TTC21B: variants seen among roughly 807,000 people sequenced by gnomAD.
The protein encoded by TTC21B is tetratricopeptide repeat domain 21B, also known as tetratricopeptide repeat protein 21B.
In TTC21B, 127 loss-of-function variants were observed where a neutral mutation model predicts 175.1. The observed-to-expected ratio is 0.73, with a 90% CI of 0.63 to 0.84. The LOEUF (loss-of-function observed/expected upper bound fraction) is 0.84, where lower values mean the gene tolerates loss of function less well. TTC21B is among the 40% of genes least tolerant of loss of function. The pLI is 0.00. For missense variants in TTC21B, 1,561 were observed against 1,558.3 expected (o/e 1.00, Z -0.03); for synonymous variants, 524 against 524.5 (o/e 1.00, Z 0.01).
chr2:165,941,271 T>C (rs767828001), intron 5 of TTC21B, 87 bp from the exon 6 acceptor site: 105 of 1,450,770 alleles, frequency 7.2e-5, no homozygotes, highest in Middle Eastern at 1.7e-4. Flanking sequence ...GTATGAGCGT[T>C]TAATACTTAC....
chr2:165,897,778 T>C (rs1010387682), intron 22 of TTC21B, among the ~76,000 whole-genome samples: 7 of 151,944 alleles, frequency 4.6e-5, no homozygotes, highest in Non-Finnish European at 7.4e-5. Context: ...AGAAGAGAAC[T>C]CCAAAAAAGG....
intron 1 of TTC21B, 126 bp from the exon 2 acceptor site, chr2:165,949,850 G>T: frequency 2.2e-6 from 2 of 926,730 alleles, no homozygotes; most frequent in Non-Finnish European, 3.3e-6. Context: ...TTTCTTCCAA[G>T]TTTCTTAAAA....
chr2:165,929,267 C>G lies in TTC21B; in HGVS notation c.1254G>C (p.Leu418Phe), dbSNP rs1375350913. ...KNKRQEEVIN[L>F]LNDVLDTHFS... is the part of the protein sequence containing the mutation. ...AGTGAGTGTCCAGGACATCATTTAA[C>G]AAATTAATAACTTCTTCTTGTCGTT... The change falls in exon 11 of 29, where the codon TTG (leucine) becomes TTC (phenylalanine). Residue 418 changes from leucine to phenylalanine, a missense_variant. Physicochemically the swap from Leu to Phe is conservative, Grantham distance 22 (BLOSUM62 0). Coordinates refer to ENST00000243344, the MANE Select transcript of TTC21B (RefSeq NM_024753.5). The G allele has an allele frequency of 6.2e-7, 1 of 1,612,776 alleles. No homozygotes were observed. The highest frequency in any genetic ancestry group is 8.5e-7 in the Non-Finnish European group (1 of 1,179,206).
intron 14 of TTC21B, 117 bp downstream of exon 14, chr2:165,917,140 A>C: frequency 1.0e-6 from 1 of 961,198 alleles, no homozygotes; most frequent in Non-Finnish European, 1.6e-6. Flanking sequence ...CGGCCTCCCA[A>C]AGTGCTGGGA....
intron 15 of TTC21B, among the ~76,000 whole-genome samples, chr2:165,914,698 T>TACGTGCGCGCGCGCGCGTGTGTG (rs71031214): frequency 2.3e-5 from 3 of 132,376 alleles, no homozygotes; most frequent in East Asian, 2.2e-4. Context: ...TGTGTGTGTG[T>TACGTGCGCGCGCGCGCGTGTGTG]TGTGTATCCC....
At chr2:165,875,230 C>CA (rs1380718006) in intron 28 of TTC21B, among the ~76,000 whole-genome samples, 1 of 151,852 alleles carries the variant, frequency 6.6e-6, no homozygotes, top group African/African-American at 2.4e-5. Flanking sequence ...TTGAGACATA[C>CA]GTATTTCTAG....
chr2:165,892,083 T>C (rs577836893), intron 22 of TTC21B, among the ~76,000 whole-genome samples: 1 of 152,288 alleles, frequency 6.6e-6, no homozygotes, highest in South Asian at 2.1e-4. Flanking sequence ...TTTTTAATGG[T>C]TGCATAAGGG....
At chr2:165,877,134 C>T (rs553416432) in intron 27 of TTC21B, among the ~76,000 whole-genome samples, 32 of 152,130 alleles carry the variant, frequency 2.1e-4, no homozygotes, top group South Asian at 4.1e-4. Context: ...CAGCTGTGCA[C>T]GCAGTAAACA....
At chr2:165,928,048 T>G (rs572779370) in intron 11 of TTC21B, among the ~76,000 whole-genome samples, 1 of 152,292 alleles carries the variant, frequency 6.6e-6, no homozygotes, top group South Asian at 2.1e-4. Context: ...TCCACATCAA[T>G]TTGGAAAGAA....
chr2:165,920,114 T>C (rs931025545), intron 12 of TTC21B, among the ~76,000 whole-genome samples: 1 of 152,176 alleles, frequency 6.6e-6, no homozygotes, highest in Admixed American at 6.5e-5. Flanking sequence ...ACTGCATTGA[T>C]TCTAAGTCTT....
chr2:165,918,648 A>T (rs1574104355), intron 13 of TTC21B, among the ~76,000 whole-genome samples: 1 of 152,276 alleles, frequency 6.6e-6, no homozygotes, highest in East Asian at 1.9e-4. Context: ...CTCTCTTAAC[A>T]GGGTCCATGA....
At chr2:165,917,607 T>C (rs963606077) in intron 13 of TTC21B, 126 bp from the exon 14 acceptor site, 3 of 792,424 alleles carry the variant, frequency 3.8e-6, no homozygotes, top group Non-Finnish European at 6.3e-6. Context: ...GCATGAGGTC[T>C]ATCTCTGCCC....
chr2:165,928,963 ACAG>A lies in TTC21B; in HGVS notation c.1386+169_1386+171del. The A allele has an allele frequency of 4.7e-6, 3 of 634,958 alleles. No homozygotes were observed. In the East Asian group the frequency reaches 8.4e-5, roughly 18 times the overall value. The allele number at this position is 634,958 out of a possible 1,614,324, so 39.3% of individuals were successfully genotyped here. A position where few individuals can be genotyped will look rare whatever the true frequency, so the allele number is the denominator to read the frequency against. On this transcript the variant is annotated intron_variant, in intron 11 of 28. Transcript: ENST00000243344. ...TGCAAACCAATACTTTCAGTAGTTG[ACAG>A]CAGTCATTACTAAAAACAGTCTGAT...
At chr2:165,887,603 C>A (rs761271685) in intron 25 of TTC21B, among the ~76,000 whole-genome samples, 3 of 151,904 alleles carry the variant, frequency 2.0e-5, no homozygotes, top group Non-Finnish European at 4.4e-5. Context: ...AGGAGAATTG[C>A]CCGAACCTGG....
intron 23 of TTC21B, 70 bp from the exon 24 acceptor site, chr2:165,890,710 G>C: frequency 1.3e-6 from 2 of 1,556,524 alleles, no homozygotes; most frequent in East Asian, 2.3e-5. Context: ...TTTATAATCT[G>C]TCTGGTAAAT....
chr2:165,946,000 G>A (rs753461591), intron 3 of TTC21B, among the ~76,000 whole-genome samples: 11 of 152,062 alleles, frequency 7.2e-5, no homozygotes, highest in Non-Finnish European at 1.5e-4. Flanking sequence ...GTGAAATCTG[G>A]TATTTCATAA....
rs145726127 is a variant in TTC21B, at chr2:165,943,316, T to G, written c.455A>C (p.Asp152Ala). The G allele has an allele frequency of 7.2e-5, 116 of 1,610,090 alleles. No homozygotes were observed. Among genetic ancestry groups the G allele is most frequent in the Non-Finnish European group, 9.7e-5 (114 of 1,176,704 alleles). Residue 152 changes from aspartate to alanine, a missense_variant, in exon 5 of 29, where the codon GAT becomes GCT. Physicochemically the swap from Asp to Ala is moderately radical, Grantham distance 126 (BLOSUM62 -2). Coordinates refer to ENST00000243344, the MANE Select transcript of TTC21B (RefSeq NM_024753.5). Reference sequence around the variant, plus strand: ...GTAAGGCTCTTTTCCTCTTGTAATATCAAGCCATGCTTTCAAAACGTGTCC... The same window carrying G: ...GTAAGGCTCTTTTCCTCTTGTAATAGCAAGCCATGCTTTCAAAACGTGTCC... Reference protein sequence around the residue: ...KQGHVLKAWLDITRGKEPYTK... With the variant: ...KQGHVLKAWLAITRGKEPYTK...
chr2:165,898,085 T>C (rs375866545), intron 22 of TTC21B, among the ~76,000 whole-genome samples: 3 of 152,136 alleles, frequency 2.0e-5, no homozygotes, highest in South Asian at 2.1e-4. Flanking sequence ...GGCATAGTAA[T>C]TGGGAGGGGA....
At chr2:165,945,801 CT>C in intron 3 of TTC21B, 111 bp from the exon 4 acceptor site, 1 of 704,570 alleles carries the variant, frequency 1.4e-6, no homozygotes, top group Non-Finnish European at 2.1e-6. Flanking sequence ...GTGGTACTGT[CT>C]AATAGAAATA....
Sources: allele counts gnomAD v4.1 joint callset (sites outside exome capture counted in the v4.1 genomes callset), GRCh38; gene constraint gnomAD v4.1.1; transcripts MANE v1.5; gene names NCBI Gene and HGNC (gene_info 2026-07-23, HGNC 2026-07-21).